Variants in SAE1 observed in about 807,000 individuals in gnomAD.
SAE1 encodes SUMO1 activating enzyme subunit 1.
SAE1 carries 11 observed loss-of-function variants against 40.6 expected under a neutral mutation model. That is an observed-to-expected ratio of 0.27 (90% CI 0.17 to 0.45). The LOEUF is 0.45. Ranked by LOEUF, SAE1 falls within the 20% of genes least tolerant of loss-of-function variation. SAE1 has a pLI of 1.00. For missense variants in SAE1, 373 were observed against 427.3 expected (o/e 0.87, Z 1.12); for synonymous variants, 155 against 154.3 (o/e 1.00, Z -0.03).
intron 5 of SAE1, 99 bp from the exon 6 acceptor site, chr19:47,169,718 CT>C (rs2058418620): frequency 1.2e-6 from 1 of 815,312 alleles, no homozygotes; most frequent in Non-Finnish European, 2.1e-6. Flanking sequence ...GGTCAGTAAA[CT>C]TTAAATAATG....
intron 6 of SAE1, among the ~76,000 whole-genome samples, chr19:47,193,893 C>T (rs2058596418): frequency 6.6e-6 from 1 of 151,818 alleles, no homozygotes; most frequent in South Asian, 2.1e-4. Context: ...TGCAGAGCCC[C>T]GTCTATACTG....
chr19:47,169,826 C>T lies in SAE1; in HGVS notation c.636C>T (p.Val212=), dbSNP rs1055091234. ...SETTMVKKKV[V]FCPVKEALEV... Reference sequence around the variant, plus strand: ...CTGCCTTTTTTCCACAGAAGGTGGTCTTCTGCCCTGTTAAAGAAGCCCTGG... The same window carrying T: ...CTGCCTTTTTTCCACAGAAGGTGGTTTTCTGCCCTGTTAAAGAAGCCCTGG... Residue 212 remains valine, a synonymous_variant, in exon 6 of 9, where the codon GTC becomes GTT. Transcript: ENST00000270225. 6.2e-7 allele frequency: 1 copy of T among 1,613,498 alleles called. No homozygotes were observed. Among genetic ancestry groups the T allele is most frequent in the Non-Finnish European group, 8.5e-7 (1 of 1,179,432 alleles).
At chr19:47,175,564 C>A (rs183212280) in intron 6 of SAE1, among the ~76,000 whole-genome samples, 2 of 152,058 alleles carry the variant, frequency 1.3e-5, no homozygotes, top group Admixed American at 1.3e-4. Context: ...TGGTGAAATC[C>A]CGTCTCTACT....
intron 5 of SAE1, among the ~76,000 whole-genome samples, chr19:47,168,247 G>A (rs534176423): frequency 5.9e-5 from 9 of 152,098 alleles, no homozygotes; most frequent in East Asian, 3.9e-4. Flanking sequence ...GTTTATATGC[G>A]AACCATTTGT....
At chr19:47,171,462 T>C (rs1187001532) in intron 6 of SAE1, among the ~76,000 whole-genome samples, 1 of 151,792 alleles carries the variant, frequency 6.6e-6, no homozygotes, top group Non-Finnish European at 1.5e-5. Context: ...CCAGCTAATT[T>C]TCTTTTTTTT....
rs1305976653 is a variant in SAE1, at chr19:47,143,502, C to G, written c.107C>G (p.Ala36Gly). 6.2e-7 allele frequency: 1 copy of G among 1,613,260 alleles called. No individual in the cohort carries two copies. The highest frequency in any genetic ancestry group is 2.2e-5 in the East Asian group (1 of 44,898). ...CAATGTTTGTCTTACAGGCTGCGGG[C>G]CTCTCGGGTGCTTCTTGTCGGCTTG... ...WGLEAQKRLR[A>G]SRVLLVGLKG... The change falls in exon 2 of 9, where the codon GCC becomes GGC. Residue 36 changes from alanine (A) to glycine (G), a missense_variant. By Grantham distance (60) the Ala-to-Gly change is moderately conservative (BLOSUM62 0). Around this residue, in one of 3 missense-constraint regions of SAE1, gnomAD observed 351 missense variants for 390.6 expected, o/e 0.90. Coordinates refer to ENST00000270225, the MANE Select transcript of SAE1 (RefSeq NM_005500.3).
chr19:47,197,751 G>A (rs1037262821), intron 7 of SAE1, among the ~76,000 whole-genome samples: 10 of 152,178 alleles, frequency 6.6e-5, no homozygotes, highest in African/African-American at 1.7e-4. Flanking sequence ...AGTGTGAAGC[G>A]ATGGAGTTTA....
At chr19:47,158,073 C>T (rs773965202) in intron 5 of SAE1, among the ~76,000 whole-genome samples, 5 of 148,622 alleles carry the variant, frequency 3.4e-5, no homozygotes, top group Non-Finnish European at 7.4e-5. Flanking sequence ...TTGGGTTGTG[C>T]TCAGAGAGTG....
At chr19:47,201,727 G>A (rs760834806) in intron 7 of SAE1, among the ~76,000 whole-genome samples, 1 of 151,814 alleles carries the variant, frequency 6.6e-6, no homozygotes. Flanking sequence ...TCCACCTCCT[G>A]GGTTCATGCA....
At chr19:47,142,949 G>A (rs1367878215) in intron 1 of SAE1, among the ~76,000 whole-genome samples, 3 of 152,158 alleles carry the variant, frequency 2.0e-5, no homozygotes, top group Non-Finnish European at 4.4e-5. Context: ...CAGGGACTAT[G>A]TCTGATTCAC....
intron 5 of SAE1, among the ~76,000 whole-genome samples, chr19:47,155,435 A>C (rs2058316343): frequency 6.6e-6 from 1 of 152,086 alleles, no homozygotes; most frequent in Non-Finnish European, 1.5e-5. Context: ...TGAGAAATGC[A>C]AACTTTTGTA....
At chr19:47,142,915 C>A (rs2058230823) in intron 1 of SAE1, among the ~76,000 whole-genome samples, 1 of 152,148 alleles carries the variant, frequency 6.6e-6, no homozygotes, top group Non-Finnish European at 1.5e-5. Context: ...ATTTGTTTAT[C>A]TGTCTCCTAC....
intron 7 of SAE1, among the ~76,000 whole-genome samples, chr19:47,202,518 C>T (rs2058661052): frequency 6.6e-6 from 1 of 150,894 alleles, no homozygotes; most frequent in East Asian, 2.0e-4. Flanking sequence ...GATCTCTTGA[C>T]TTTGTGATCC....
At chr19:47,186,415 C>T (rs2058544983) in intron 6 of SAE1, among the ~76,000 whole-genome samples, 3 of 152,032 alleles carry the variant, frequency 2.0e-5, no homozygotes, top group Admixed American at 2.0e-4. Context: ...CTGCAGTGAA[C>T]ATTTATAGGT....
intron 6 of SAE1, among the ~76,000 whole-genome samples, chr19:47,193,410 G>GT (rs1314582460): frequency 2.0e-5 from 3 of 152,058 alleles, no homozygotes; most frequent in African/African-American, 7.2e-5. Flanking sequence ...AGCATTGAGG[G>GT]TTGCAGAAGC....
intron 6 of SAE1, among the ~76,000 whole-genome samples, chr19:47,191,823 A>G (rs141109015): frequency 0.064 from 9,713 of 152,102 alleles, 343 homozygotes; most frequent in Non-Finnish European, 0.077. Flanking sequence ...TGGGAGGCCA[A>G]GGCGGGCCGA....
In SAE1 at chr19:47,130,851, CG is replaced by C; in HGVS notation, c.-78del. 6.5e-7 allele frequency: 1 copy of C among 1,541,604 alleles called. No homozygotes were observed. On this transcript the variant is annotated 5_prime_UTR_variant, in exon 1 of 9. Coordinates refer to ENST00000270225, the MANE Select transcript of SAE1 (RefSeq NM_005500.3). ...CGCAGAAGCACTCCGGGCGTGCTGC[CG>C]GCGGCGGTAGGTGGCGCGCGGGTCC...
In SAE1 at chr19:47,131,035, G is replaced by A. The variant is rs748761418; in HGVS notation, c.98+7G>A. 5 of 1,528,890 alleles carry A rather than the reference G, an allele frequency of 3.3e-6. No homozygotes were observed. The South Asian group carries it at 6.1e-5, about 19-fold the overall frequency. The allele number at this position is 1,528,890 out of a possible 1,614,324, so 94.7% of individuals were successfully genotyped here. On this transcript the variant is annotated splice_region_variant and intron_variant, in intron 1 of 8. Coordinates refer to ENST00000270225, the MANE Select transcript of SAE1 (RefSeq NM_005500.3). ...GACTGGAGGCCCAGAAACGGTCAGG[G>A]CCGGCGCGGCTTGAGGCCGCTAGGG...
At chr19:47,201,023 AT>A (rs932103961) in intron 7 of SAE1, among the ~76,000 whole-genome samples, 1 of 148,854 alleles carries the variant, frequency 6.7e-6, no homozygotes, top group South Asian at 2.1e-4. Flanking sequence ...ATGCCCAGCT[AT>A]TTTTTTTTAT....
Sources: allele counts gnomAD v4.1 joint callset (sites outside exome capture counted in the v4.1 genomes callset), GRCh38; gene constraint gnomAD v4.1.1; regional missense constraint gnomAD v4.1.1; transcripts MANE v1.5; gene names NCBI Gene and HGNC (gene_info 2026-07-23, HGNC 2026-07-21).